CTNND2: variants seen among roughly 807,000 people sequenced by gnomAD.
CTNND2 encodes the protein catenin delta-2.
In CTNND2, 22 loss-of-function variants were observed where a neutral mutation model predicts 144.4. The ratio of observed to expected loss-of-function variants is 0.15; its 90% confidence interval spans 0.11 to 0.22. The LOEUF (loss-of-function observed/expected upper bound fraction) is 0.22, where lower values mean the gene tolerates loss of function less well. Among genes scored for constraint, CTNND2 ranks in the 10% least tolerant of loss-of-function variants. CTNND2 has a pLI of 1.00. For missense variants in CTNND2, 1,353 were observed against 1,618.8 expected, an observed-to-expected ratio of 0.84 and a Z score of 2.82; for synonymous variants, 751 against 695.6, an observed-to-expected ratio of 1.08 and a Z score of -1.25.
intron 3 of CTNND2, among the ~76,000 whole-genome samples, chr5:11,425,503 T>A (rs186487154): frequency 6.6e-6 from 1 of 152,294 alleles, no homozygotes; most frequent in Admixed American, 6.5e-5. Flanking sequence ...GCTGTATGTG[T>A]CCTGAAGTTA....
At chr5:11,489,262 C>T (rs1022753983) in intron 3 of CTNND2, among the ~76,000 whole-genome samples, 3 of 152,146 alleles carry the variant, frequency 2.0e-5, no homozygotes, top group Admixed American at 2.0e-4. Context: ...ATAGTGATCT[C>T]TTTGGGTTTT....
At chr5:11,189,651 G>A (rs1387587938) in intron 11 of CTNND2, among the ~76,000 whole-genome samples, 1 of 152,068 alleles carries the variant, frequency 6.6e-6, no homozygotes, top group East Asian at 1.9e-4. Context: ...TACTGGTAAG[G>A]TGTCCAGTCA....
At chr5:11,309,608 G>A (rs1002605975) in intron 9 of CTNND2, among the ~76,000 whole-genome samples, 3 of 152,178 alleles carry the variant, frequency 2.0e-5, no homozygotes, top group African/African-American at 7.2e-5. Context: ...TCTCAGATGA[G>A]ACTCTGGACT....
rs553200453 is a variant in CTNND2 at position 11,492,436 on chromosome 5, C to T, written c.287+72508G>A. Among the ~76,000 whole-genome samples, 13 of 151,348 alleles carry T rather than the reference C, an allele frequency of 8.6e-5. No individual in the cohort carries two copies. In the South Asian group the frequency reaches 2.5e-3, roughly 29 times the overall value. On this transcript the variant is annotated intron_variant, in intron 3 of 21. Coordinates refer to ENST00000304623, the MANE Select transcript of CTNND2 (RefSeq NM_001332.4). ...GAAAATGCATATGTAGATATCTGTA[C>T]ATATGTCTATATATATGCTTTCTGT...
intron 1 of CTNND2, among the ~76,000 whole-genome samples, chr5:11,887,351 A>G (rs1736631589): frequency 1.3e-5 from 2 of 152,086 alleles, no homozygotes; most frequent in Admixed American, 6.5e-5. Flanking sequence ...CCAAAAATCC[A>G]TGACATAACT....
chr5:11,123,130 C>G (rs1053565789), intron 12 of CTNND2, among the ~76,000 whole-genome samples: 1 of 152,178 alleles, frequency 6.6e-6, no homozygotes, highest in Non-Finnish European at 1.5e-5. Flanking sequence ...CTTGCCTCAG[C>G]CCCGCTACTC....
At chr5:11,166,789 C>T (rs562526804) in intron 11 of CTNND2, among the ~76,000 whole-genome samples, 20 of 152,218 alleles carry the variant, frequency 1.3e-4, no homozygotes, top group Admixed American at 1.1e-3. Flanking sequence ...CATATAAACT[C>T]TCAATATGGC....
At chr5:11,006,377 A>G (rs1740482179) in intron 18 of CTNND2, among the ~76,000 whole-genome samples, 1 of 152,198 alleles carries the variant, frequency 6.6e-6, no homozygotes, top group South Asian at 2.1e-4. Context: ...GAGGTGAGGC[A>G]GTGGGCATGT....
intron 2 of CTNND2, among the ~76,000 whole-genome samples, chr5:11,660,688 A>C (rs1783153465): frequency 6.6e-6 from 1 of 152,144 alleles, no homozygotes; most frequent in African/African-American, 2.4e-5. Flanking sequence ...TCAATTATTG[A>C]TAGTGGTACC....
At chr5:11,089,072 G>A (rs1351933433) in intron 15 of CTNND2, among the ~76,000 whole-genome samples, 2 of 152,190 alleles carry the variant, frequency 1.3e-5, no homozygotes, top group East Asian at 3.8e-4. Context: ...GGATAGTGAT[G>A]ACAACAGCAG....
chr5:11,125,591 G>A lies in CTNND2; in HGVS notation c.2160-8024C>T, dbSNP rs1455405403. On this transcript the variant is annotated intron_variant, in intron 12 of 21. Coordinates refer to ENST00000304623, the MANE Select transcript of CTNND2 (RefSeq NM_001332.4). ...TTAGCTGAGCAGCTGCTCCACCAGA[G>A]ACCTCCCAGCCCAGAGGGGAGAAAC... Among the ~76,000 whole-genome samples the A allele has an allele frequency of 2.6e-5, 4 of 152,302 alleles. No homozygotes were observed. In the East Asian group the frequency reaches 7.7e-4, roughly 29 times the overall value.
intron 16 of CTNND2, among the ~76,000 whole-genome samples, chr5:11,069,063 C>T (rs181870089): frequency 1.8e-4 from 27 of 152,332 alleles, no homozygotes; most frequent in East Asian, 5.8e-4. Flanking sequence ...AACTACGCAA[C>T]GTGTATCTTC....
Position 11,211,398 on chromosome 5 carries a change from C to T in CTNND2, c.1762-11737G>A, listed in dbSNP as rs545120377. The stretch of plus-strand genomic sequence containing the variant: ...CATGTGAGGACAGACTGACCATCAG[C>T]TAGGGCCACTGCCCTTGTCCAGGTA... On this transcript the variant is annotated intron_variant, in intron 10 of 21. Coordinates refer to ENST00000304623, the MANE Select transcript of CTNND2 (RefSeq NM_001332.4). Among the ~76,000 whole-genome samples the T allele has an allele frequency of 3.7e-4, 56 of 152,312 alleles. 2 individuals are homozygous for T. The South Asian group carries it at 0.011, about 30-fold the overall frequency.
chr5:11,517,631 G>A (rs976218825), intron 3 of CTNND2, among the ~76,000 whole-genome samples: 6 of 151,720 alleles, frequency 4.0e-5, no homozygotes, highest in Admixed American at 1.3e-4. Context: ...GGGGTGTAGG[G>A]GGCAAGGGGA....
Position 11,156,433 on chromosome 5 carries a change from A to G in CTNND2, c.2159+3143T>C, listed in dbSNP as rs1580442513. Among the ~76,000 whole-genome samples the G allele has an allele frequency of 5.3e-5, 8 of 152,280 alleles. No individual in the cohort carries two copies. In the South Asian group the frequency reaches 1.7e-3, roughly 32 times the overall value. Reference sequence around the variant, plus strand: ...TGACCAGATGAATTTACTTTTACCTACCACATGCTCCTTCTGCTGGATTTC... The same window carrying G: ...TGACCAGATGAATTTACTTTTACCTGCCACATGCTCCTTCTGCTGGATTTC... On this transcript the variant is annotated intron_variant, in intron 12 of 21. Coordinates refer to ENST00000304623, the MANE Select transcript of CTNND2 (RefSeq NM_001332.4).
intron 11 of CTNND2, among the ~76,000 whole-genome samples, chr5:11,179,426 T>C (rs1374611772): frequency 6.6e-6 from 1 of 152,146 alleles, no homozygotes; most frequent in Non-Finnish European, 1.5e-5. Flanking sequence ...CCTTTAAATA[T>C]ACATATTTAT....
chr5:11,304,081 G>A (rs914541844), intron 9 of CTNND2, among the ~76,000 whole-genome samples: 11 of 152,054 alleles, frequency 7.2e-5, no homozygotes, highest in African/African-American at 2.4e-4. Flanking sequence ...GTGGAACTGT[G>A]AGTCCATTAA....
intron 16 of CTNND2, among the ~76,000 whole-genome samples, chr5:11,076,868 A>C (rs1749003247): frequency 6.6e-6 from 1 of 152,198 alleles, no homozygotes; most frequent in African/African-American, 2.4e-5. Flanking sequence ...TAAAAGAATG[A>C]TCTACGAAGA....
At chr5:11,011,328 C>T (rs919371947) in intron 18 of CTNND2, among the ~76,000 whole-genome samples, 1 of 152,186 alleles carries the variant, frequency 6.6e-6, no homozygotes, top group African/African-American at 2.4e-5. Flanking sequence ...ATTCTCCCAC[C>T]TCTGCCTCCC....
Sources: allele counts gnomAD v4.1 joint callset (sites outside exome capture counted in the v4.1 genomes callset), GRCh38; gene constraint gnomAD v4.1.1; transcripts MANE v1.5; gene names NCBI Gene and HGNC (gene_info 2026-07-23, HGNC 2026-07-21).